The following SHROOM3 variants were observed in gnomAD, a reference collection of about 807,000 sequenced individuals.
SHROOM3 encodes the protein protein Shroom3.
Under a neutral mutation model 138.6 loss-of-function variants are expected in SHROOM3, and 47 were observed. The observed-to-expected ratio is 0.34, with a 90% CI of 0.27 to 0.43. The LOEUF is 0.43. Ranked by LOEUF, SHROOM3 falls within the 20% of genes least tolerant of loss-of-function variation. SHROOM3 has a pLI of 1.00. For missense variants in SHROOM3, 2,491 were observed against 2,596.5 expected (o/e 0.96, Z 0.88); for synonymous variants, 1,062 against 1,063.3 (o/e 1.00, Z 0.02).
chr4:76,474,304 T>G (rs543860646), intron 1 of SHROOM3, among the ~76,000 whole-genome samples: 125 of 152,314 alleles, frequency 8.2e-4, no homozygotes, highest in African/African-American at 2.9e-3. Context: ...GGAGAGTGAC[T>G]ACTAGAGGGT....
chr4:76,736,927 T>TAATC (rs934590878), intron 4 of SHROOM3, among the ~76,000 whole-genome samples: 3 of 152,202 alleles, frequency 2.0e-5, no homozygotes, highest in African/African-American at 7.2e-5. Context: ...TGACACATCA[T>TAATC]AATCACCCAA....
Position 76,739,218 on chromosome 4 carries a change from A to G in SHROOM3, c.1045A>G (p.Asn349Asp). ...TGGTCAGGGCTATGATAAATGGTCT[A>G]ATATTCCTCGGGGCAAGGGAGTGCC... ...ANGQGYDKWSNIPRGKGVPPP... is the reference protein window; with the variant it reads ...ANGQGYDKWSDIPRGKGVPPP... The change falls in exon 5 of 11, where the codon AAT becomes GAT. Residue 349 changes from asparagine (N) to aspartate (D), a missense_variant. Asn to Asp is a conservative substitution (Grantham distance 23). Around this residue, in one of 4 missense-constraint regions of SHROOM3, gnomAD observed 1,733 missense variants for 1,661.6 expected, o/e 1.04. Coordinates refer to ENST00000296043, the MANE Select transcript of SHROOM3 (RefSeq NM_020859.4). 1 of 1,614,108 alleles carries G rather than the reference A, an allele frequency of 6.2e-7. No homozygotes were observed. Among genetic ancestry groups the G allele is most frequent in the Non-Finnish European group, 8.5e-7 (1 of 1,180,028 alleles).
chr4:76,477,230 A>G (rs1020723820), intron 1 of SHROOM3, among the ~76,000 whole-genome samples: 1 of 152,138 alleles, frequency 6.6e-6, no homozygotes, highest in Non-Finnish European at 1.5e-5. Context: ...CGGCCTCCCA[A>G]AGTGCTAGGA....
chr4:76,589,851 G>A (rs138806947), intron 2 of SHROOM3, among the ~76,000 whole-genome samples: 24 of 152,286 alleles, frequency 1.6e-4, no homozygotes, highest in Non-Finnish European at 2.9e-4. Flanking sequence ...TTTATTAATC[G>A]TGGATCATTA....
In SHROOM3 at chr4:76,513,625, C is replaced by G. The variant is rs75525883; in HGVS notation, c.169-41984C>G. On this transcript the variant is annotated intron_variant, in intron 1 of 10. Coordinates refer to ENST00000296043, the MANE Select transcript of SHROOM3 (RefSeq NM_020859.4). ...CACCGTGCCTGGCTGGAAAATAATA[C>G]TTCTATCTCACTGATCACATTTACC... Among the ~76,000 whole-genome samples, 1,333 of 152,150 alleles carry G rather than the reference C, an allele frequency of 8.8e-3. 22 individuals are homozygous for G. The highest frequency in any genetic ancestry group is 0.03 in the African/African-American group (1,239 of 41,532).
At chr4:76,614,685 A>G (rs1376915203) in intron 2 of SHROOM3, among the ~76,000 whole-genome samples, 3 of 152,064 alleles carry the variant, frequency 2.0e-5, no homozygotes, top group Admixed American at 6.5e-5. Flanking sequence ...GTTCCTCAAT[A>G]GGTTCTTATG....
chr4:76,712,113 C>A (rs1460597053), intron 3 of SHROOM3, among the ~76,000 whole-genome samples: 1 of 152,188 alleles, frequency 6.6e-6, no homozygotes, highest in Non-Finnish European at 1.5e-5. Context: ...ATAGGCTAAT[C>A]TAATGTCAGT....
intron 1 of SHROOM3, among the ~76,000 whole-genome samples, chr4:76,535,838 T>C (rs570620493): frequency 6.6e-6 from 1 of 152,306 alleles, no homozygotes; most frequent in Non-Finnish European, 1.5e-5. Flanking sequence ...TTTTGAGTGA[T>C]TGAAGTTAGT....
intron 2 of SHROOM3, among the ~76,000 whole-genome samples, chr4:76,672,431 A>G (rs1718911462): frequency 6.6e-6 from 1 of 152,138 alleles, no homozygotes; most frequent in East Asian, 1.9e-4. Flanking sequence ...AAAAAAAAAA[A>G]AAAAAAAGAA....
chr4:76,513,779 T>G (rs922487412), intron 1 of SHROOM3, among the ~76,000 whole-genome samples: 1 of 152,234 alleles, frequency 6.6e-6, no homozygotes, highest in African/African-American at 2.4e-5. Context: ...TGGCAGGCAC[T>G]GAGAAAATTC....
intron 2 of SHROOM3, among the ~76,000 whole-genome samples, chr4:76,651,432 ATATATATATATATAC>A (rs2110088616): frequency 1.3e-5 from 1 of 74,392 alleles, no homozygotes; most frequent in South Asian, 4.8e-4. Flanking sequence ...ATATATATAT[ATATATATATATATAC>A]CTACTATGTA....
rs1251033667 is a variant in SHROOM3 at position 76,756,445 on chromosome 4, G to C, written c.4710-4G>C. Reference sequence around the variant, plus strand: ...TTTTTTTTTTTTTTAAATATCCCTGGCAGCTTCAACAAACTTTCTAAAGTG... The same window carrying C: ...TTTTTTTTTTTTTTAAATATCCCTGCCAGCTTCAACAAACTTTCTAAAGTG... On this transcript the variant is annotated splice_polypyrimidine_tract_variant and splice_region_variant and intron_variant, in intron 7 of 10. Transcript: ENST00000296043. 6 of 1,596,738 alleles carry C rather than the reference G, an allele frequency of 3.8e-6. No homozygotes were observed. In the Admixed American group the frequency reaches 6.9e-5, roughly 18 times the overall value.
chr4:76,508,119 G>A (rs969805657), intron 1 of SHROOM3, among the ~76,000 whole-genome samples: 4 of 151,940 alleles, frequency 2.6e-5, no homozygotes, highest in East Asian at 1.9e-4. Context: ...AATCGTATTC[G>A]AGAAACCATT....
intron 1 of SHROOM3, among the ~76,000 whole-genome samples, chr4:76,466,240 C>A (rs1028898186): frequency 2.6e-5 from 4 of 152,164 alleles, no homozygotes; most frequent in African/African-American, 7.2e-5. Context: ...TGGGGTCAGA[C>A]TCTTGTCTGA....
chr4:76,619,860 G>A (rs918477170), intron 2 of SHROOM3, among the ~76,000 whole-genome samples: 18 of 152,082 alleles, frequency 1.2e-4, no homozygotes, highest in Non-Finnish European at 2.2e-4. Context: ...TCAGGAGTTC[G>A]AGACCAGCCT....
chr4:76,478,134 C>T (rs1176402402), intron 1 of SHROOM3, among the ~76,000 whole-genome samples: 2 of 152,122 alleles, frequency 1.3e-5, no homozygotes, highest in South Asian at 2.1e-4. Context: ...CAGAATTGTT[C>T]ACTCCCCTGG....
chr4:76,769,962 A>G (rs1722294109), intron 9 of SHROOM3, among the ~76,000 whole-genome samples: 1 of 152,112 alleles, frequency 6.6e-6, no homozygotes, highest in Admixed American at 6.6e-5. Context: ...TGTTTACTCT[A>G]CCTGCCTACT....
chr4:76,497,954 C>T (rs4859684), intron 1 of SHROOM3, among the ~76,000 whole-genome samples: 85,742 of 152,094 alleles, frequency 0.56, 25,201 homozygotes, highest in Non-Finnish European at 0.64. Context: ...CAAAGTGTAT[C>T]GAGCCCCTGG....
chr4:76,468,719 G>A (rs1024779268), intron 1 of SHROOM3, among the ~76,000 whole-genome samples: 3 of 151,942 alleles, frequency 2.0e-5, no homozygotes, highest in African/African-American at 7.3e-5. Context: ...ATTCAGTTAA[G>A]GCAGATAGCC....
Sources: gnomAD v4.1 joint callset for allele counts (sites outside exome capture counted in the v4.1 genomes callset) on GRCh38, gnomAD v4.1.1 for gene constraint, gnomAD v4.1.1 regional missense constraint, MANE v1.5 for transcripts, NCBI Gene and HGNC (gene_info 2026-07-23, HGNC 2026-07-21) for gene names.